NUMB: variants seen among roughly 807,000 people sequenced by gnomAD.
The protein encoded by NUMB is protein numb homolog.
Under a neutral mutation model 59.7 loss-of-function variants are expected in NUMB, and 29 were observed. That is an observed-to-expected ratio of 0.49 (90% CI 0.36 to 0.66). NUMB has a LOEUF of 0.66. Ranked by LOEUF, NUMB falls within the 30% of genes least tolerant of loss-of-function variation. The probability of loss-of-function intolerance (pLI) is 0.00; values close to 1 mark genes in which losing one functional copy is unlikely to be tolerated. For missense variants in NUMB, 723 were observed against 822.0 expected (o/e 0.88, Z 1.47); for synonymous variants, 288 against 288.2 (o/e 1.00, Z 0.01).
At chr14:73,323,098 T>C (rs1024013134) in intron 5 of NUMB, 32 bp downstream of exon 5, 2 of 1,522,882 alleles carry the variant, frequency 1.3e-6, no homozygotes, top group Non-Finnish European at 1.8e-6. Context: ...TGATAGCATA[T>C]AGATCAACAC....
chr14:73,437,353 G>A (rs1017194820), intron 1 of NUMB, among the ~76,000 whole-genome samples: 2 of 152,036 alleles, frequency 1.3e-5, no homozygotes, highest in Non-Finnish European at 2.9e-5. Context: ...TCTCTTAATC[G>A]TGCTCAGTCC....
At chr14:73,328,929 C>T (rs151129106) in intron 4 of NUMB, among the ~76,000 whole-genome samples, 4 of 152,234 alleles carry the variant, frequency 2.6e-5, no homozygotes, top group East Asian at 3.9e-4. Flanking sequence ...TGTGCAATGG[C>T]GTGATCTCAG....
chr14:73,400,354 T>C (rs1896353261), intron 2 of NUMB, among the ~76,000 whole-genome samples: 2 of 152,344 alleles, frequency 1.3e-5, no homozygotes, highest in African/African-American at 2.4e-5. Context: ...GGTGGATGCA[T>C]GTCATTACAT....
At chr14:73,411,689 A>G (rs904120991) in intron 1 of NUMB, among the ~76,000 whole-genome samples, 3 of 152,166 alleles carry the variant, frequency 2.0e-5, no homozygotes, top group Non-Finnish European at 4.4e-5. Flanking sequence ...ATTAGAAAAA[A>G]TAACGGAATA....
chr14:73,424,412 G>T (rs544372783), intron 1 of NUMB, among the ~76,000 whole-genome samples: 25 of 152,238 alleles, frequency 1.6e-4, no homozygotes, highest in Non-Finnish European at 7.4e-5. Context: ...GGGGACAAAT[G>T]TATAACCATT....
At chr14:73,424,265 G>A (rs959026901) in intron 1 of NUMB, among the ~76,000 whole-genome samples, 30 of 152,136 alleles carry the variant, frequency 2.0e-4, no homozygotes, top group African/African-American at 5.5e-4. Context: ...ATGACAAGCA[G>A]TGTTTAATTT....
At chr14:73,456,387 G>A (rs1884376250) in intron 1 of NUMB, among the ~76,000 whole-genome samples, 2 of 152,048 alleles carry the variant, frequency 1.3e-5, no homozygotes, top group Non-Finnish European at 2.9e-5. Context: ...TGGGATTATA[G>A]GCGTGAGCCA....
At chr14:73,278,721 CTTTTTTTTT>C (rs35813203) in intron 12 of NUMB, among the ~76,000 whole-genome samples, 1 of 58,044 alleles carries the variant, frequency 1.7e-5, no homozygotes, top group Non-Finnish European at 2.9e-5. Context: ...GCCCTGGAAT[CTTTTTTTTT>C]TTTTTTTTTT....
rs773212564 is a variant in NUMB at position 73,400,828 on chromosome 14, G to A, written c.-101+9109C>T. Among the ~76,000 whole-genome samples, 15 of 152,202 alleles carry A rather than the reference G, an allele frequency of 9.9e-5. No individual in the cohort carries two copies. The South Asian group carries it at 1.0e-3, about 10-fold the overall frequency. ...CCAGGAGGGTGGCACACCTGAAGAA[G>A]GCATGGCATGCCCCTTTCCACATAC... is the stretch of plus-strand genomic sequence containing the variant. On this transcript the variant is annotated intron_variant, in intron 2 of 12. Transcript: ENST00000555238.
intron 2 of NUMB, among the ~76,000 whole-genome samples, chr14:73,404,347 T>C (rs1187072063): frequency 6.6e-6 from 1 of 151,780 alleles, no homozygotes; most frequent in Admixed American, 6.6e-5. Context: ...AAATTCATAG[T>C]TAAGGTATGA....
At chr14:73,305,325 T>C (rs766323760) in intron 6 of NUMB, among the ~76,000 whole-genome samples, 7 of 152,168 alleles carry the variant, frequency 4.6e-5, no homozygotes, top group Non-Finnish European at 8.8e-5. Context: ...CTATAATTAA[T>C]TGAATCTTCT....
chr14:73,408,041 C>T (rs1164027400), intron 2 of NUMB, among the ~76,000 whole-genome samples: 1 of 152,106 alleles, frequency 6.6e-6, no homozygotes, highest in Non-Finnish European at 1.5e-5. Flanking sequence ...TCCTGACCAA[C>T]ATGGTGAAAC....
chr14:73,358,684 C>T (rs563118605), intron 3 of NUMB, among the ~76,000 whole-genome samples: 21 of 150,378 alleles, frequency 1.4e-4, no homozygotes, highest in Middle Eastern at 3.5e-3. Flanking sequence ...GGATTAATAC[C>T]TTCTTCTTAC....
rs774826224 is a variant in NUMB at position 73,380,448 on chromosome 14, A to G, written c.-100-13467T>C. On this transcript the variant is annotated intron_variant, in intron 2 of 12. Transcript: ENST00000555238. ...AAAGGTTTATGACTGAGATAGTTAC[A>G]TGTCACACTAAATTTTTTTAATGAC... is the stretch of plus-strand genomic sequence containing the variant. Among the ~76,000 whole-genome samples the G allele has an allele frequency of 5.1e-4, 78 of 152,176 alleles. 7 individuals are homozygous for G. Among genetic ancestry groups the G allele is most frequent in the Non-Finnish European group, 7.3e-5 (5 of 68,038 alleles).
At position 73,428,751 on chromosome 14, in the gene NUMB, G is replaced by A. The variant is rs530261598; in HGVS notation, c.-232-18683C>T. ...AGCTTGAGCTCAGGAGTTCAAGGCT[G>A]CAGTGAGCTATGATCACACCACTGC... is the stretch of plus-strand genomic sequence containing the variant. On this transcript the variant is annotated intron_variant, in intron 1 of 12. Coordinates refer to ENST00000555238, the MANE Select transcript of NUMB (RefSeq NM_001005743.2). Among the ~76,000 whole-genome samples, 39 of 152,300 alleles carry A rather than the reference G, an allele frequency of 2.6e-4. 1 individual carries two copies. The highest frequency in any genetic ancestry group is 5.0e-4 in the Non-Finnish European group (34 of 68,032).
At chr14:73,432,629 A>G (rs535842532) in intron 1 of NUMB, among the ~76,000 whole-genome samples, 76 of 152,240 alleles carry the variant, frequency 5.0e-4, no homozygotes, top group Admixed American at 1.9e-3. Flanking sequence ...CTCACATATC[A>G]TGTTTATTAA....
chr14:73,321,122 G>A (rs572621444), intron 5 of NUMB, among the ~76,000 whole-genome samples: 7 of 151,942 alleles, frequency 4.6e-5, no homozygotes, highest in East Asian at 1.9e-4. Flanking sequence ...ACAAAATACC[G>A]TTTCTCAATA....
intron 2 of NUMB, among the ~76,000 whole-genome samples, chr14:73,367,328 TAC>T (rs1178756705): frequency 8.5e-5 from 7 of 82,396 alleles, no homozygotes; most frequent in African/African-American, 1.8e-4. Flanking sequence ...CACACATATA[TAC>T]ATATATATAT....
chr14:73,282,838 T>C (rs1001090071), intron 10 of NUMB, among the ~76,000 whole-genome samples: 1 of 152,220 alleles, frequency 6.6e-6, no homozygotes, highest in African/African-American at 2.4e-5. Flanking sequence ...AGCCAGATCT[T>C]TGTAGAAGAC....
Sources: gnomAD v4.1 joint callset for allele counts (sites outside exome capture counted in the v4.1 genomes callset) on GRCh38, gnomAD v4.1.1 for gene constraint, MANE v1.5 for transcripts, NCBI Gene and HGNC (gene_info 2026-07-23, HGNC 2026-07-21) for gene names.